Variants in STAC2 observed in about 807,000 individuals in gnomAD.
The protein encoded by STAC2 is SH3 and cysteine rich domain 2.
STAC2 carries 36 observed loss-of-function variants against 49.0 expected under a neutral mutation model. The observed-to-expected ratio is 0.74, with a 90% confidence interval of 0.56 to 0.97. The LOEUF is 0.97. Among genes scored for constraint, STAC2 ranks in the 50% least tolerant of loss-of-function variants. The pLI, the probability that STAC2 is intolerant of heterozygous loss-of-function variation, is 0.00. For synonymous variants in STAC2, 239 were observed against 214.7 expected (o/e 1.11, Z -0.99); for missense variants, 527 against 543.8 (o/e 0.97, Z 0.31).
At position 39,223,797 on chromosome 17, in the gene STAC2, C is replaced by G. The variant is rs79278295; in HGVS notation, c.90+1616G>C. 2.6e-5 allele frequency among the ~76,000 whole-genome samples: 4 copies of G among 152,288 alleles called. No individual in the cohort carries two copies. In the East Asian group the frequency reaches 7.7e-4, roughly 29 times the overall value. ...TCTACCCAGGTGACTAGAGGGCAAC[C>G]GAAATCAGGGGCATTGGAACTCAGG... On this transcript the variant is annotated intron_variant, in intron 1 of 10. Transcript: ENST00000333461.
chr17:39,221,876 G>A (rs558086126), intron 1 of STAC2, among the ~76,000 whole-genome samples: 2 of 152,328 alleles, frequency 1.3e-5, no homozygotes, highest in South Asian at 4.1e-4. Context: ...CTGGAAGACT[G>A]GCCACCTAGA....
chr17:39,218,214 G>A (rs759246052), intron 1 of STAC2, 41 bp from the exon 2 acceptor site: 3 of 1,608,454 alleles, frequency 1.9e-6, no homozygotes, highest in South Asian at 2.2e-5. Flanking sequence ...AGCCTAGAGG[G>A]GGCTGGCCAG....
intron 3 of STAC2, 72 bp downstream of exon 3, chr17:39,217,004 G>C: frequency 3.7e-6 from 6 of 1,603,070 alleles, no homozygotes; most frequent in Non-Finnish European, 5.1e-6. Context: ...GCAGCCCTGA[G>C]GGATACTCAT....
chr17:39,214,441 C>T lies in STAC2; in HGVS notation c.844-111G>A, dbSNP rs2046383095. The T allele has an allele frequency of 7.8e-6, 12 of 1,538,232 alleles. No homozygotes were observed. The South Asian group carries it at 1.5e-4, about 19-fold the overall frequency. On this transcript the variant is annotated intron_variant, in intron 7 of 10. Coordinates refer to ENST00000333461, the MANE Select transcript of STAC2 (RefSeq NM_198993.5). ...GGGCTGTGAGGGGACACAGTGAGTC[C>T]TAGGTCAACGGCAGGGAGAAGTGAG... is the stretch of plus-strand genomic sequence containing the variant.
rs1305491933 is a variant in STAC2, at chr17:39,215,143, G to A, written c.674C>T (p.Thr225Ile). Residue 225 changes from threonine to isoleucine, a missense_variant, in exon 5 of 11, where the codon ACC (threonine) becomes ATC (isoleucine). Thr to Ile is a moderately conservative substitution (Grantham distance 89). Transcript: ENST00000333461. ...CAGGCTCCTTGTCGGGGACTCAGAG[G>A]TGCTGCTGAAACTGGAGCGGTTCAT... ...ALMNRSSFSS[T>I]SESPTRSLSE... 2 of 1,614,076 alleles carry A rather than the reference G, an allele frequency of 1.2e-6. No homozygotes were observed. The highest frequency in any genetic ancestry group is 2.2e-5 in the East Asian group (1 of 44,872).
At chr17:39,212,638 A>T (rs2046364773) in intron 10 of STAC2, among the ~76,000 whole-genome samples, 1 of 152,202 alleles carries the variant, frequency 6.6e-6, no homozygotes, top group African/African-American at 2.4e-5. Context: ...TAGCCGCTGT[A>T]CTGCCCTGCC....
chr17:39,218,878 T>C (rs747000113), intron 1 of STAC2, among the ~76,000 whole-genome samples: 1 of 152,136 alleles, frequency 6.6e-6, no homozygotes, highest in Non-Finnish European at 1.5e-5. Context: ...AGTATCCACC[T>C]GTGTTCTCGA....
chr17:39,211,903 G>A lies in STAC2; in HGVS notation c.*389C>T, dbSNP rs11657409. ...AAGCAGAGGCTCTGTGGGGAGAGGGGTGTGCCAGGCATGCGCAGGTGGTGT... is the reference window on the plus strand; with the variant it reads ...AAGCAGAGGCTCTGTGGGGAGAGGGATGTGCCAGGCATGCGCAGGTGGTGT... On this transcript the variant is annotated 3_prime_UTR_variant, in exon 11 of 11. Coordinates refer to ENST00000333461, the MANE Select transcript of STAC2 (RefSeq NM_198993.5). 2 of 185,878 alleles carry A rather than the reference G, an allele frequency of 1.1e-5. No homozygotes were observed. Among genetic ancestry groups the A allele is most frequent in the Non-Finnish European group, 2.3e-5 (2 of 88,608 alleles). 11.5% of individuals were successfully genotyped at this position (185,878 alleles called of 1,614,324 possible).
chr17:39,215,396 G>A (rs56078862), intron 4 of STAC2, among the ~76,000 whole-genome samples, 166 bp from the exon 5 acceptor site: 9,520 of 152,254 alleles, frequency 0.063, 971 homozygotes, highest in African/African-American at 0.22. Flanking sequence ...TGCCCATGCA[G>A]AAACTTGGAG....
Position 39,214,268 on chromosome 17 carries a change from C to A in STAC2, c.906G>T (p.Lys302Asn). ...GPMYSYVALY[K>N]FLPQENNDLA... ...GATCATTGTTCTCCTGGGGCAGAAA[C>A]TTGTAGAGTGCAACGTAGGAGTACA... is the stretch of plus-strand genomic sequence containing the variant. Residue 302 changes from lysine to asparagine, a missense_variant, in exon 8 of 11, where the codon AAG becomes AAT. Coordinates refer to ENST00000333461, the MANE Select transcript of STAC2 (RefSeq NM_198993.5). 1 of 1,614,074 alleles carries A rather than the reference C, an allele frequency of 6.2e-7. No individual in the cohort carries two copies. The highest frequency in any genetic ancestry group is 1.3e-5 in the African/African-American group (1 of 75,052).
At chr17:39,218,289 G>T (rs1179593916) in intron 1 of STAC2, 116 bp from the exon 2 acceptor site, 3 of 1,046,870 alleles carry the variant, frequency 2.9e-6, no homozygotes, top group Non-Finnish European at 4.3e-6. Flanking sequence ...GCAGCAGCGT[G>T]GGGGCTGAGG....
At chr17:39,217,779 G>GC (rs1197691013) in intron 2 of STAC2, 88 bp downstream of exon 2, 1 of 1,342,556 alleles carries the variant, frequency 7.4e-7, no homozygotes, top group African/African-American at 1.5e-5. Context: ...AACAGCAAGA[G>GC]CCCAATAATA....
Position 39,212,313 on chromosome 17 carries a change from G to T in STAC2, c.1215C>A (p.Val405=). 2 of 1,611,188 alleles carry T rather than the reference G, an allele frequency of 1.2e-6. No individual in the cohort carries two copies. Among genetic ancestry groups the T allele is most frequent in the Non-Finnish European group, 1.7e-6 (2 of 1,178,548 alleles). ...CCTCTCAGATCTCAGTCAGGGCGTC[G>T]ACTGGCACCAGGCCCCGCTTCTTGC... ...SSGKKRGLVP[V]DALTEI is the part of the protein sequence containing the mutation. Residue 405 remains valine, a synonymous_variant, in exon 11 of 11, where the codon GTC becomes GTA. Coordinates refer to ENST00000333461, the MANE Select transcript of STAC2 (RefSeq NM_198993.5).
chr17:39,217,756 A>T, intron 2 of STAC2, 111 bp downstream of exon 2: 2 of 1,106,630 alleles, frequency 1.8e-6, no homozygotes, highest in Non-Finnish European at 2.5e-6. Flanking sequence ...CACAATTAGT[A>T]TTGGGGCTCC....
At chr17:39,222,348 C>T (rs1027068235) in intron 1 of STAC2, among the ~76,000 whole-genome samples, 1 of 152,198 alleles carries the variant, frequency 6.6e-6, no homozygotes, top group East Asian at 1.9e-4. Flanking sequence ...CTCTGCCGGC[C>T]GACTCCCTGG....
At position 39,225,331 on chromosome 17, in the gene STAC2, C is replaced by T. The variant is rs2046501907; in HGVS notation, c.90+82G>A. On this transcript the variant is annotated intron_variant, in intron 1 of 10. Transcript: ENST00000333461. The surrounding 1 kb of genome is among the most constrained non-coding windows in gnomAD (Gnocchi z 8.2). ...GGGCCTCGCGACCGCGACCCTAGGA[C>T]GCCCGGGCCCACAGGAGGACCCCGC... 1.3e-5 allele frequency: 16 copies of T among 1,222,206 alleles called. No individual in the cohort carries two copies. Among genetic ancestry groups the T allele is most frequent in the Non-Finnish European group, 1.7e-5 (15 of 901,674 alleles). 75.7% of individuals were successfully genotyped at this position (1,222,206 alleles called of 1,614,324 possible). A position where few individuals can be genotyped will look rare whatever the true frequency, so the allele number is the denominator to read the frequency against.
Position 39,225,740 on chromosome 17 carries a change from C to A in STAC2, c.-238G>T. The A allele has an allele frequency of 1.8e-6, 1 of 563,590 alleles. No homozygotes were observed. The highest frequency in any genetic ancestry group is 3.1e-6 in the Non-Finnish European group (1 of 317,982). 34.9% of individuals were successfully genotyped at this position (563,590 alleles called of 1,614,324 possible). ...AGCGGGACGACCCCGGGCGCGAGGACCGAGGGTCTGCAGAGGATGCTGCTC... is the reference window on the plus strand; with the variant it reads ...AGCGGGACGACCCCGGGCGCGAGGAACGAGGGTCTGCAGAGGATGCTGCTC... On this transcript the variant is annotated 5_prime_UTR_variant, in exon 1 of 11. Transcript: ENST00000333461. This position sits in a 1 kb window ranked among gnomAD's most constrained non-coding sequence, Gnocchi z 8.2.
rs766705082 is a variant in STAC2, at chr17:39,212,348, C to G, written c.1180G>C (p.Val394Leu). Residue 394 changes from valine (V) to leucine (L), a missense_variant, in exon 11 of 11, where the codon GTC becomes CTC. Transcript: ENST00000333461. ...AGGCCCCGCTTCTTGCCACTGCTGA[C>G]GCGGATGAAGCCGTCAGCATCCTTG... ...RSKDADGFIRVSSGKKRGLVP... is the reference protein window; with the variant it reads ...RSKDADGFIRLSSGKKRGLVP... 3.8e-5 allele frequency: 61 copies of G among 1,612,312 alleles called. No homozygotes were observed. The highest frequency in any genetic ancestry group is 4.9e-5 in the Non-Finnish European group (58 of 1,179,214).
chr17:39,216,780 G>T (rs529797615), intron 4 of STAC2, 30 bp downstream of exon 4: 83 of 1,552,070 alleles, frequency 5.3e-5, no homozygotes, highest in Non-Finnish European at 7.1e-5. Context: ...CACAATGGGA[G>T]CAGGGACTGC....
Sources: gnomAD v4.1 joint callset for allele counts (sites outside exome capture counted in the v4.1 genomes callset) on GRCh38, gnomAD v4.1.1 for gene constraint, Gnocchi (gnomAD v3.1) non-coding constraint, MANE v1.5 for transcripts, NCBI Gene and HGNC (gene_info 2026-07-23, HGNC 2026-07-21) for gene names.